Variants in DMD observed in about 807,000 individuals in gnomAD.
DMD encodes mutant dystrophin.
Under a neutral mutation model 330.1 loss-of-function variants are expected in DMD, and 63 were observed. The ratio of observed to expected loss-of-function variants is 0.19; its 90% CI spans 0.16 to 0.24. The LOEUF (loss-of-function observed/expected upper bound fraction) is 0.24, where lower values mean the gene tolerates loss of function less well. Ranked by LOEUF, DMD falls within the 10% of genes least tolerant of loss-of-function variation. The pLI is 1.00. For missense variants in DMD, 3,344 were observed against 2,684.1 expected (o/e 1.25, Z -5.43); for synonymous variants, 1,223 against 959.8 (o/e 1.27, Z -5.07).
At chrX:32,989,436 G>A (rs1438012775) in intron 2 of DMD, among the ~76,000 whole-genome samples, 1 of 111,316 alleles carries the variant, frequency 9.0e-6, no homozygotes, top group Non-Finnish European at 1.9e-5. Context: ...TCATCATGAT[G>A]GTGTTAACAA....
intron 74 of DMD, among the ~76,000 whole-genome samples, chrX:31,152,345 G>A (rs2037533018): frequency 9.1e-6 from 1 of 109,329 alleles, no homozygotes; most frequent in Admixed American, 9.8e-5. Flanking sequence ...TGTATTTTTA[G>A]TAGAGGCAGG....
intron 7 of DMD, among the ~76,000 whole-genome samples, chrX:32,786,224 A>G (rs1232663289): frequency 9.0e-6 from 1 of 110,667 alleles, no homozygotes; most frequent in Non-Finnish European, 1.9e-5. Context: ...AGCCTAGGTA[A>G]AATGTATCTT....
At chrX:32,578,279 T>C (rs1445047078) in intron 13 of DMD, among the ~76,000 whole-genome samples, 1 of 112,468 alleles carries the variant, frequency 8.9e-6, no homozygotes, top group Non-Finnish European at 1.9e-5. Context: ...TTAGCAATAA[T>C]GCATATTTTT....
At chrX:32,354,462 T>A (rs1026699857) in intron 37 of DMD, among the ~76,000 whole-genome samples, 3 of 111,611 alleles carry the variant, frequency 2.7e-5, no homozygotes. Flanking sequence ...CACATCATTC[T>A]ATCTGTAGAG....
At chrX:32,342,755 T>A (rs145727664) in intron 40 of DMD, 4 of 311,520 alleles carry the variant, frequency 1.3e-5, no homozygotes, top group Non-Finnish European at 2.4e-5. Flanking sequence ...AATAAATCTA[T>A]AGAGAGTGAA....
chrX:31,426,210 A>T (rs758778404), intron 60 of DMD, among the ~76,000 whole-genome samples: 33 of 112,077 alleles, frequency 2.9e-4, no homozygotes, highest in South Asian at 1.1e-3. Context: ...GTTAAAAAAA[A>T]ATATATTCCC....
intron 4 of DMD, among the ~76,000 whole-genome samples, chrX:32,834,849 CT>C (rs2079472372): frequency 9.0e-6 from 1 of 111,249 alleles, no homozygotes; most frequent in Non-Finnish European, 1.9e-5. Context: ...AACACTATAC[CT>C]TTTGTATGAA....
intron 60 of DMD, among the ~76,000 whole-genome samples, chrX:31,401,411 TC>T (rs1434805008): frequency 2.7e-5 from 3 of 112,202 alleles, no homozygotes; most frequent in Non-Finnish European, 5.6e-5. Flanking sequence ...TAAGAAACAA[TC>T]ACTATTAAAG....
chrX:31,343,618 TGAGA>T (rs1179095003), intron 61 of DMD, among the ~76,000 whole-genome samples: 5,318 of 81,482 alleles, frequency 0.065, 117 homozygotes, highest in African/African-American at 0.085. Context: ...TGTGTGTGTG[TGAGA>T]GAGAGAGAGA....
At position 31,173,561 on chromosome X, in the gene DMD, G is replaced by A. The variant is rs768314745; in HGVS notation, c.10306C>T (p.Arg3436Cys). Residue 3436 changes from arginine to cysteine, a missense_variant, in exon 72 of 79, where the codon CGC becomes TGC. Coordinates refer to ENST00000357033, the MANE Select transcript of DMD (RefSeq NM_004006.3). ...TACCTGCTAGCATAATGTTCAATGC[G>A]TGAATGAGTATCATCGTGTGAAAGC... Reference protein sequence around the residue: ...PQLSHDDTHSRIEHYASRLAE... With the variant: ...PQLSHDDTHSCIEHYASRLAE... 10 of 1,208,732 alleles carry A rather than the reference G, an allele frequency of 8.3e-6. No homozygotes were observed. In the Admixed American group the frequency reaches 8.7e-5, roughly 11 times the overall value.
chrX:33,323,998 C>T, intron 1 of DMD, among the ~76,000 whole-genome samples: 1 of 111,323 alleles, frequency 9.0e-6, no homozygotes, highest in Non-Finnish European at 1.9e-5. Flanking sequence ...TCTCTAACTC[C>T]CAAACCAATG....
intron 60 of DMD, among the ~76,000 whole-genome samples, chrX:31,438,975 T>C (rs7888241): frequency 0.041 from 4,534 of 111,137 alleles, 219 homozygotes; most frequent in African/African-American, 0.14. Flanking sequence ...GGTTAGTTTT[T>C]TTAAAATGAA....
At position 32,379,664 on chromosome X, in the gene DMD, G is replaced by C. The variant is rs143809387; in HGVS notation, c.4845+846C>G. On this transcript the variant is annotated intron_variant, in intron 34 of 78. Transcript: ENST00000357033. ...TCTACATAAAGACAGTTTTCAGTTTGGGTCTCATTTATACGATTGTAAGTT... is the reference window on the plus strand; with the variant it reads ...TCTACATAAAGACAGTTTTCAGTTTCGGTCTCATTTATACGATTGTAAGTT... Among the ~76,000 whole-genome samples the C allele has an allele frequency of 4.8e-3, 531 of 111,281 alleles. 1 individual carries two copies. The highest frequency in any genetic ancestry group is 0.016 in the African/African-American group (484 of 30,754).
In DMD at chrX:31,328,996, T is replaced by C. The variant is rs775387587; in HGVS notation, c.9164-5338A>G. 3.6e-5 allele frequency among the ~76,000 whole-genome samples: 4 copies of C among 112,432 alleles called. No individual in the cohort carries two copies. The South Asian group carries it at 1.5e-3, about 42-fold the overall frequency. On this transcript the variant is annotated intron_variant, in intron 61 of 78. Transcript: ENST00000357033. ...CTTATGGTACTTCTTTCTACATCTC[T>C]GTCTTCCTAGACCAATGACATCTAT...
intron 9 of DMD, among the ~76,000 whole-genome samples, chrX:32,690,557 C>T (rs1569459655): frequency 9.0e-6 from 1 of 111,234 alleles, no homozygotes; most frequent in Non-Finnish European, 1.9e-5. Context: ...GAAAGAAGTA[C>T]AAAATTGGAG....
intron 32 of DMD, 63 bp downstream of exon 32, chrX:32,389,438 G>C: frequency 9.5e-7 from 1 of 1,053,200 alleles, no homozygotes; most frequent in East Asian, 3.0e-5. Flanking sequence ...TTATAAAAGA[G>C]CAGTTACTTC....
intron 44 of DMD, 126 bp downstream of exon 44, chrX:32,216,790 T>G (rs1338338824): frequency 1.7e-6 from 1 of 595,555 alleles, no homozygotes; most frequent in Non-Finnish European, 2.7e-6. Context: ...TTTCTAGTAA[T>G]ATAATGATGA....
chrX:33,262,868 CA>C (rs1229874618), intron 1 of DMD, among the ~76,000 whole-genome samples: 3 of 109,394 alleles, frequency 2.7e-5, no homozygotes, highest in Non-Finnish European at 5.7e-5. Flanking sequence ...AGAAATAGAC[CA>C]AAAGTCAATT....
chrX:31,715,953 A>G (rs1391538070), intron 52 of DMD, among the ~76,000 whole-genome samples: 1 of 112,147 alleles, frequency 8.9e-6, no homozygotes, highest in Non-Finnish European at 1.9e-5. Context: ...CCTGCGAGAC[A>G]GTCCAATCAA....
Sources: allele counts gnomAD v4.1 joint callset (sites outside exome capture counted in the v4.1 genomes callset), GRCh38; gene constraint gnomAD v4.1.1; transcripts MANE v1.5; gene names NCBI Gene and HGNC (gene_info 2026-07-23, HGNC 2026-07-21).